The following SMOC2 variants were observed in gnomAD, a reference collection of about 807,000 sequenced individuals.
SMOC2 encodes SPARC-related modular calcium-binding protein 2.
A neutral mutation model predicts 61.4 loss-of-function variants in SMOC2; 39 were observed. The observed-to-expected ratio is 0.64, with a 90% confidence interval of 0.49 to 0.83. The LOEUF is 0.83. SMOC2 is among the 40% of genes least tolerant of loss of function. SMOC2 has a pLI of 0.00. For synonymous variants in SMOC2, 247 were observed against 239.9 expected (o/e 1.03, Z -0.27); for missense variants, 556 against 592.9 (o/e 0.94, Z 0.65).
chr6:168,543,711 C>T, intron 5 of SMOC2, 39 bp downstream of exon 5: 2 of 1,562,378 alleles, frequency 1.3e-6, no homozygotes, highest in South Asian at 2.3e-5. Flanking sequence ...CGATATGTAA[C>T]ATCTAACTTA....
At chr6:168,599,690 TCTCA>T (rs1360789086) in intron 8 of SMOC2, among the ~76,000 whole-genome samples, 29 of 98,904 alleles carry the variant, frequency 2.9e-4, no homozygotes, top group African/African-American at 1.0e-3. Flanking sequence ...ACTCTCACAC[TCTCA>T]CACACACACC....
chr6:168,450,411 C>T (rs538517307), intron 1 of SMOC2, among the ~76,000 whole-genome samples: 2 of 152,190 alleles, frequency 1.3e-5, no homozygotes, highest in Non-Finnish European at 2.9e-5. Flanking sequence ...AATGAATCAA[C>T]AGGAACGGAC....
intron 1 of SMOC2, among the ~76,000 whole-genome samples, chr6:168,470,649 T>G (rs1781949657): frequency 6.6e-6 from 1 of 152,052 alleles, no homozygotes; most frequent in Non-Finnish European, 1.5e-5. Context: ...TGCACTCCAG[T>G]CTGGGTGACA....
rs1403812218 is a variant in SMOC2, at chr6:168,666,774, T to C, written c.*336T>C. 7 of 279,098 alleles carry C rather than the reference T, an allele frequency of 2.5e-5. No individual in the cohort carries two copies. The highest frequency in any genetic ancestry group is 5.0e-5 in the Admixed American group (1 of 19,852). The allele number at this position is 279,098 out of a possible 1,614,324, so 17.3% of individuals were successfully genotyped here. On this transcript the variant is annotated 3_prime_UTR_variant, in exon 13 of 13. Coordinates refer to ENST00000356284, the MANE Select transcript of SMOC2 (RefSeq NM_001166412.2). ...GCACTCCGGCTGCAATCGTATGGCT[T>C]TCTCTAACCCCTGCAGTCACTTCCA...
rs75354709 is a variant in SMOC2, at chr6:168,627,761, G to A, written c.907+19522G>A. Among the ~76,000 whole-genome samples, 1,225 of 152,304 alleles carry A rather than the reference G, an allele frequency of 8.0e-3. 7 individuals carry two copies. The highest frequency in any genetic ancestry group is 0.027 in the African/African-American group (1,135 of 41,570). On this transcript the variant is annotated intron_variant, in intron 9 of 12. Coordinates refer to ENST00000356284, the MANE Select transcript of SMOC2 (RefSeq NM_001166412.2). ...TAATCAGCCTGCACAGGGGTGGACT[G>A]TACTGCACAGCTGTGAGGGCACGTG...
Position 168,547,116 on chromosome 6 carries a change from C to A in SMOC2, c.512-3C>A. On this transcript the variant is annotated splice_polypyrimidine_tract_variant and splice_region_variant and intron_variant, in intron 5 of 12. Coordinates refer to ENST00000356284, the MANE Select transcript of SMOC2 (RefSeq NM_001166412.2). ...TTGCAAATCTTTTCCGTTCTGAATTCAGATGATGCCGCAGCTCCAGCGTTG... is the reference window on the plus strand; with the variant it reads ...TTGCAAATCTTTTCCGTTCTGAATTAAGATGATGCCGCAGCTCCAGCGTTG... The A allele has an allele frequency of 1.2e-6, 2 of 1,614,044 alleles. No individual in the cohort carries two copies. Among genetic ancestry groups the A allele is most frequent in the Non-Finnish European group, 8.5e-7 (1 of 1,180,018 alleles).
Position 168,567,415 on chromosome 6 carries a change from C to G in SMOC2, c.637+18212C>G, listed in dbSNP as rs144154400. ...GTATATACAAAATTTTAGGTTGAAGCAGATGTTTGTTGATAAATTACTTAA... is the reference window on the plus strand; with the variant it reads ...GTATATACAAAATTTTAGGTTGAAGGAGATGTTTGTTGATAAATTACTTAA... On this transcript the variant is annotated intron_variant, in intron 7 of 12. Coordinates refer to ENST00000356284, the MANE Select transcript of SMOC2 (RefSeq NM_001166412.2). Among the ~76,000 whole-genome samples, 1,225 of 152,152 alleles carry G rather than the reference C, an allele frequency of 8.1e-3. 4 individuals are homozygous for G. The highest frequency in any genetic ancestry group is 0.027 in the Middle Eastern group (8 of 294).
chr6:168,566,293 G>A (rs1784539196), intron 7 of SMOC2, among the ~76,000 whole-genome samples: 1 of 151,990 alleles, frequency 6.6e-6, no homozygotes, highest in African/African-American at 2.4e-5. Flanking sequence ...ATGATTCTAG[G>A]ACACTGTCTA....
At chr6:168,557,125 G>A (rs955415368) in intron 7 of SMOC2, among the ~76,000 whole-genome samples, 2 of 151,938 alleles carry the variant, frequency 1.3e-5, no homozygotes, top group Non-Finnish European at 2.9e-5. Flanking sequence ...ATGGGAAAAC[G>A]ATACAAATTA....
chr6:168,559,817 C>A (rs1213555975), intron 7 of SMOC2, among the ~76,000 whole-genome samples: 1 of 152,192 alleles, frequency 6.6e-6, no homozygotes, highest in Non-Finnish European at 1.5e-5. Flanking sequence ...ACCAGTCCAT[C>A]CTCCTTTGTG....
intron 7 of SMOC2, among the ~76,000 whole-genome samples, chr6:168,580,626 C>T (rs1053555926): frequency 6.6e-5 from 10 of 152,212 alleles, no homozygotes; most frequent in African/African-American, 2.2e-4. Flanking sequence ...ACTGCAGCCT[C>T]GACCTCCCAG....
chr6:168,559,976 T>G (rs1223475865), intron 7 of SMOC2, among the ~76,000 whole-genome samples: 1 of 152,244 alleles, frequency 6.6e-6, no homozygotes, highest in Non-Finnish European at 1.5e-5. Flanking sequence ...TAAAAAATGT[T>G]CATGCATTTG....
chr6:168,646,523 C>A (rs1213144007), intron 9 of SMOC2, among the ~76,000 whole-genome samples: 2 of 152,236 alleles, frequency 1.3e-5, no homozygotes. Flanking sequence ...ACTACATAAA[C>A]TTACTGAAAC....
chr6:168,520,540 G>A (rs1783305067), intron 2 of SMOC2, among the ~76,000 whole-genome samples: 1 of 152,240 alleles, frequency 6.6e-6, no homozygotes, highest in Admixed American at 6.5e-5. Flanking sequence ...CATAATCATA[G>A]CCATTCAGTG....
At chr6:168,650,121 A>G (rs1369525793) in intron 9 of SMOC2, among the ~76,000 whole-genome samples, 26 of 152,132 alleles carry the variant, frequency 1.7e-4, no homozygotes, top group Admixed American at 1.7e-3. Context: ...CTGGGCTCCA[A>G]AGCTATGAGC....
intron 9 of SMOC2, among the ~76,000 whole-genome samples, chr6:168,638,733 T>C (rs1786812553): frequency 6.6e-6 from 1 of 151,974 alleles, no homozygotes; most frequent in African/African-American, 2.4e-5. Flanking sequence ...GGCTGACAGG[T>C]GTAGGGCCTG....
Position 168,598,849 on chromosome 6 carries a change from C to G in SMOC2, c.669C>G (p.Ala223=), listed in dbSNP as rs1243150923. The change falls in exon 8 of 13, where the codon GCC becomes GCG. Residue 223 remains alanine, a synonymous_variant. Transcript: ENST00000356284. The stretch of plus-strand genomic sequence containing the variant: ...CCTGTGACCAAGAGCACCAGTCTGC[C>G]CTGGAGGAAGCCAAGCAGCCCAAGA... ...VSSCDQEHQS[A]LEEAKQPKND... 6.2e-7 allele frequency: 1 copy of G among 1,613,828 alleles called. No homozygotes were observed. The highest frequency in any genetic ancestry group is 2.2e-5 in the East Asian group (1 of 44,876).
chr6:168,563,190 C>G (rs1195462459), intron 7 of SMOC2, among the ~76,000 whole-genome samples: 1 of 152,222 alleles, frequency 6.6e-6, no homozygotes, highest in Non-Finnish European at 1.5e-5. Flanking sequence ...TTAACTCACA[C>G]TGATCACTTG....
chr6:168,566,376 T>C lies in SMOC2; in HGVS notation c.637+17173T>C, dbSNP rs538903805. Among the ~76,000 whole-genome samples the C allele has an allele frequency of 2.0e-5, 3 of 152,286 alleles. No individual in the cohort carries two copies. In the South Asian group the frequency reaches 6.2e-4, roughly 32 times the overall value. Reference sequence around the variant, plus strand: ...ATCCTTGCAATAGGTTGTCTTTAACTTGTATGTATGTGGATTTAATGTATT... The same window carrying C: ...ATCCTTGCAATAGGTTGTCTTTAACCTGTATGTATGTGGATTTAATGTATT... On this transcript the variant is annotated intron_variant, in intron 7 of 12. Transcript: ENST00000356284.
Sources: allele counts gnomAD v4.1 joint callset (sites outside exome capture counted in the v4.1 genomes callset), GRCh38; gene constraint gnomAD v4.1.1; transcripts MANE v1.5; gene names NCBI Gene and HGNC (gene_info 2026-07-23, HGNC 2026-07-21).